The following FSTL1 variants were observed in gnomAD, a reference collection of about 807,000 sequenced individuals.
FSTL1 encodes follistatin-related protein 1.
FSTL1 carries 24 observed loss-of-function variants against 45.9 expected under a neutral mutation model. The ratio of observed to expected loss-of-function variants is 0.52; its 90% CI spans 0.38 to 0.74. The LOEUF (loss-of-function observed/expected upper bound fraction) is 0.74. Ranked by LOEUF, FSTL1 falls within the 30% of genes least tolerant of loss-of-function variation. The pLI is 0.00. For missense variants in FSTL1, 340 were observed against 381.8 expected (o/e 0.89, Z 0.91); for synonymous variants, 120 against 137.6 (o/e 0.87, Z 0.89).
rs1206738754 is a variant in FSTL1 at position 120,393,871 on chromosome 3, C to G, written c.*3081G>C. On this transcript the variant is annotated 3_prime_UTR_variant, in exon 11 of 11. Transcript: ENST00000295633. The stretch of plus-strand genomic sequence containing the variant: ...CCCTTTTCACCATGTGGGGATGCAT[C>G]AAAAAGGTGCATTCTTTGAAGCAGG... The G allele has an allele frequency of 1.3e-5, 2 of 152,074 alleles. No homozygotes were observed. The highest frequency in any genetic ancestry group is 2.4e-5 in the African/African-American group (1 of 41,400). The allele number at this position is 152,074 out of a possible 1,614,324, so 9.4% of individuals were successfully genotyped here.
chr3:120,412,805 AACACACACACATGT>A (rs1937084633), intron 3 of FSTL1, among the ~76,000 whole-genome samples: 1 of 143,092 alleles, frequency 7.0e-6, no homozygotes, highest in Admixed American at 7.0e-5. Context: ...CAGGCAGGCA[AACACACACACATGT>A]GCGCGCGCGC....
At chr3:120,412,817 TGTGCGCGCGC>T (rs56876163) in intron 3 of FSTL1, among the ~76,000 whole-genome samples, 6,702 of 87,488 alleles carry the variant, frequency 0.077, 318 homozygotes, top group Admixed American at 0.21. Context: ...CACACACACA[TGTGCGCGCGC>T]GCGCGCGCGC....
rs1389510721 is a variant in FSTL1, at chr3:120,409,641, C to T, written c.353G>A (p.Arg118His). The stretch of plus-strand genomic sequence containing the variant: ...GATGATGCGACGTCGGAGCTCATCA[C>T]GGTTGGACTGATAGCAAACAACTGC... ...ASPVVCYQSN[R>H]DELRRRIIQW... Residue 118 changes from arginine to histidine, a missense_variant, in exon 6 of 11, where the codon CGT becomes CAT. Coordinates refer to ENST00000295633, the MANE Select transcript of FSTL1 (RefSeq NM_007085.5). 18 of 1,613,940 alleles carry T rather than the reference C, an allele frequency of 1.1e-5. No homozygotes were observed. The highest frequency in any genetic ancestry group is 1.4e-5 in the Non-Finnish European group (16 of 1,179,946).
At chr3:120,429,189 A>G (rs1236284586) in intron 2 of FSTL1, among the ~76,000 whole-genome samples, 1 of 152,166 alleles carries the variant, frequency 6.6e-6, no homozygotes, top group Non-Finnish European at 1.5e-5. Context: ...GCAATTTCAA[A>G]TGCACATCAA....
At chr3:120,430,774 C>T (rs1423006717) in intron 2 of FSTL1, among the ~76,000 whole-genome samples, 1 of 152,148 alleles carries the variant, frequency 6.6e-6, no homozygotes, top group Non-Finnish European at 1.5e-5. Context: ...GTAAAGCACA[C>T]TCTGTGTCTC....
intron 10 of FSTL1, among the ~76,000 whole-genome samples, chr3:120,397,519 T>A (rs1169491034): frequency 6.6e-6 from 1 of 152,176 alleles, no homozygotes; most frequent in African/African-American, 2.4e-5. Context: ...AATAAGGACA[T>A]AAGAAGATGC....
intron 10 of FSTL1, 147 bp downstream of exon 10, chr3:120,399,736 T>C: frequency 1.7e-6 from 1 of 605,968 alleles, no homozygotes; most frequent in East Asian, 2.8e-5. Context: ...CACAGTTTGA[T>C]AGTACAGGTG....
chr3:120,402,893 A>G lies in FSTL1; in HGVS notation c.720T>C (p.Tyr240=), dbSNP rs141738233. Residue 240 remains tyrosine (Y), a synonymous_variant, in exon 9 of 11, where the codon TAT becomes TAC. Transcript: ENST00000295633. ...EKKCALEDET[Y]ADGAETEVDC... Reference sequence around the variant, plus strand: ...CCACCTCGGTCTCAGCTCCATCTGCATACGTTTCATCCTCCAGGGCACACT... The same window carrying G: ...CCACCTCGGTCTCAGCTCCATCTGCGTACGTTTCATCCTCCAGGGCACACT... 81 of 1,612,378 alleles carry G rather than the reference A, an allele frequency of 5.0e-5. No individual in the cohort carries two copies. The highest frequency in any genetic ancestry group is 6.5e-5 in the Non-Finnish European group (77 of 1,178,578).
chr3:120,435,025 C>A (rs927620683), intron 2 of FSTL1, among the ~76,000 whole-genome samples: 19 of 152,106 alleles, frequency 1.2e-4, no homozygotes, highest in African/African-American at 4.6e-4. Context: ...TCAAGACCAG[C>A]CTGGCCAACA....
chr3:120,399,202 C>T (rs1023284239), intron 10 of FSTL1, among the ~76,000 whole-genome samples: 1 of 152,012 alleles, frequency 6.6e-6, no homozygotes, highest in Admixed American at 6.6e-5. Flanking sequence ...ACATAATAAG[C>T]CAGTAGGAGG....
At chr3:120,405,101 G>T in intron 6 of FSTL1, 130 bp from the exon 7 acceptor site, 1 of 648,182 alleles carries the variant, frequency 1.5e-6, no homozygotes, top group Non-Finnish European at 2.9e-6. Flanking sequence ...TGACCTCAGA[G>T]GGCCTTGGCA....
At chr3:120,419,626 G>A (rs984397475) in intron 2 of FSTL1, 1 of 152,546 alleles carries the variant, frequency 6.6e-6, no homozygotes, top group African/African-American at 2.4e-5. Context: ...GCTGACCTGA[G>A]GGGCTCTCCA....
At chr3:120,433,293 C>A (rs1937508620) in intron 2 of FSTL1, among the ~76,000 whole-genome samples, 1 of 152,218 alleles carries the variant, frequency 6.6e-6, no homozygotes, top group African/African-American at 2.4e-5. Flanking sequence ...TCTGATTAAG[C>A]AAGCCCAGCA....
intron 2 of FSTL1, among the ~76,000 whole-genome samples, chr3:120,434,620 C>T (rs1937521955): frequency 6.6e-6 from 1 of 152,158 alleles, no homozygotes; most frequent in Non-Finnish European, 1.5e-5. Context: ...CGCACACGAA[C>T]TTTGTAAAAC....
chr3:120,449,539 A>G (rs1937835357), intron 2 of FSTL1, among the ~76,000 whole-genome samples: 1 of 152,244 alleles, frequency 6.6e-6, no homozygotes, highest in Non-Finnish European at 1.5e-5. Flanking sequence ...CAGATATTTA[A>G]TAAATATTAG....
chr3:120,397,646 C>T (rs1936728779), intron 10 of FSTL1, among the ~76,000 whole-genome samples: 2 of 152,184 alleles, frequency 1.3e-5, no homozygotes, highest in Admixed American at 1.3e-4. Context: ...GAAATTGGAA[C>T]TCTATGGTGA....
At chr3:120,434,291 A>G (rs193149167) in intron 2 of FSTL1, among the ~76,000 whole-genome samples, 41 of 152,332 alleles carry the variant, frequency 2.7e-4, no homozygotes, top group African/African-American at 9.6e-4. Context: ...ATAAGTTGAT[A>G]TCCAAAAGCC....
chr3:120,441,904 G>A (rs890346361), intron 2 of FSTL1, among the ~76,000 whole-genome samples: 12 of 152,232 alleles, frequency 7.9e-5, no homozygotes, highest in Admixed American at 7.9e-4. Context: ...AAGATCACAT[G>A]GCTAGTAAGG....
chr3:120,410,877 T>C (rs1224010503), intron 5 of FSTL1, 75 bp downstream of exon 5: 2 of 1,150,046 alleles, frequency 1.7e-6, no homozygotes, highest in East Asian at 4.7e-5. Context: ...TGGCAGGGAT[T>C]GTGGAACACA....
Sources: gnomAD v4.1 joint callset for allele counts (sites outside exome capture counted in the v4.1 genomes callset) on GRCh38, gnomAD v4.1.1 for gene constraint, MANE v1.5 for transcripts, NCBI Gene and HGNC (gene_info 2026-07-23, HGNC 2026-07-21) for gene names.